The following S1PR3 variants were observed in gnomAD, a reference collection of about 807,000 sequenced individuals.
S1PR3 encodes sphingosine-1-phosphate receptor 3, also known as sphingosine 1-phosphate receptor 3.
S1PR3 carries 12 observed loss-of-function variants against 13.3 expected under a neutral mutation model. That is an observed-to-expected ratio of 0.90 (90% confidence interval 0.58 to 1.46). S1PR3 has a LOEUF of 1.46. S1PR3 is among the 40% of genes most tolerant of loss of function. The pLI is 0.00. For missense variants in S1PR3, 450 were observed against 501.9 expected, an observed-to-expected ratio of 0.90 and a Z score of 0.99; for synonymous variants, 232 against 214.0, an observed-to-expected ratio of 1.08 and a Z score of -0.73.
At position 89,001,860 on chromosome 9, in the gene S1PR3, C is replaced by A. The variant is rs1271652532; in HGVS notation, c.660C>A (p.Phe220Leu). 6.2e-7 allele frequency: 1 copy of A among 1,614,234 alleles called. No homozygotes were observed. Among genetic ancestry groups the A allele is most frequent in the South Asian group, 1.1e-5 (1 of 91,086 alleles). ...TGATCCTCTACGCACGCATCTACTT[C>A]CTGGTGAAGTCCAGCAGCCGTAAGG... is the stretch of plus-strand genomic sequence containing the variant. Reference protein sequence around the residue: ...TIVILYARIYFLVKSSSRKVA... With the variant: ...TIVILYARIYLLVKSSSRKVA... The change falls in exon 2 of 2, where the codon TTC becomes TTA. Residue 220 changes from phenylalanine to leucine, a missense_variant. Coordinates refer to ENST00000358157, the MANE Select transcript of S1PR3 (RefSeq NM_005226.4).
upstream of S1PR3, chr9:88,991,157 C>A (rs781100018): frequency 1.2e-6 from 2 of 1,609,296 alleles, no homozygotes; most frequent in East Asian, 2.2e-5. This position sits in a 1 kb window ranked among gnomAD's most constrained non-coding sequence, Gnocchi z 4.0. Context: ...CCGGTTTCTG[C>A]ACCTGGAGCT....
intron 1 of S1PR3, 47 bp from the exon 2 acceptor site, chr9:89,001,007 G>A (rs1825859319): frequency 4.7e-6 from 3 of 631,766 alleles, no homozygotes; most frequent in Non-Finnish European, 8.1e-6. Flanking sequence ...CCCCTTAGGC[G>A]GCGATCGTTT....
intron 1 of S1PR3, chr9:89,000,673 G>GA (rs1158828668): frequency 6.4e-6 from 1 of 157,118 alleles, no homozygotes; most frequent in Non-Finnish European, 1.4e-5. Flanking sequence ...TTGGTCCTGA[G>GA]AAAATCCTGC....
chr9:89,002,364 C>T lies in S1PR3; in HGVS notation c.*27C>T. The T allele has an allele frequency of 1.2e-6, 2 of 1,606,858 alleles. No individual in the cohort carries two copies. Among genetic ancestry groups the T allele is most frequent in the South Asian group, 2.2e-5 (2 of 90,184 alleles). ...CGTCTCCATGCGCCCTGCTCTGCGG[C>T]TGTGTTCTTATTTATTGCATGCGTC... On this transcript the variant is annotated 3_prime_UTR_variant, in exon 2 of 2. Transcript: ENST00000358157.
At chr9:88,992,145 C>T (rs1359160069) in intron 1 of S1PR3, 3 of 1,027,810 alleles carry the variant, frequency 2.9e-6, no homozygotes, top group Non-Finnish European at 2.8e-6. Flanking sequence ...CCGTCAGAAT[C>T]GGTGCTGGAA....
In S1PR3 at chr9:88,991,798, G is replaced by A; in HGVS notation, c.-148+103G>A. 2 of 1,603,596 alleles carry A rather than the reference G, an allele frequency of 1.2e-6. No homozygotes were observed. The highest frequency in any genetic ancestry group is 8.5e-7 in the Non-Finnish European group (1 of 1,174,598). ...CCCCACCGATCCCGGGCGCGACGGG[G>A]ACTTGGGCGCGCCACGGCGGCCGGA... On this transcript the variant is annotated intron_variant, in intron 1 of 1. Transcript: ENST00000358157. This position sits in a 1 kb window ranked among gnomAD's most constrained non-coding sequence, Gnocchi z 4.0.
In S1PR3 at chr9:89,003,983, TC is replaced by T. The variant is rs147663994; in HGVS notation, c.*1650del. 0.029 allele frequency: 4,763 copies of T among 167,096 alleles called. 134 individuals carry two copies. Among genetic ancestry groups the T allele is most frequent in the African/African-American group, 0.075 (3,128 of 41,512 alleles). 10.4% of individuals were successfully genotyped at this position (167,096 alleles called of 1,614,324 possible). A position where few individuals can be genotyped will look rare whatever the true frequency, so the allele number is the denominator to read the frequency against. On this transcript the variant is annotated 3_prime_UTR_variant, in exon 2 of 2. Coordinates refer to ENST00000358157, the MANE Select transcript of S1PR3 (RefSeq NM_005226.4). ...ATGAAACCTATTTGTAAGGAGATCT[TC>T]CCCAGGAGCATTTCTGTTGCCTTCT...
Position 89,001,855 on chromosome 9 carries a change from T to G in S1PR3, c.655T>G (p.Tyr219Asp). Residue 219 changes from tyrosine to aspartate, a missense_variant, in exon 2 of 2, where the codon TAC becomes GAC. Transcript: ENST00000358157. Reference protein sequence around the residue: ...VTIVILYARIYFLVKSSSRKV... With the variant: ...VTIVILYARIDFLVKSSSRKV... The stretch of plus-strand genomic sequence containing the variant: ...CATCGTGATCCTCTACGCACGCATC[T>G]ACTTCCTGGTGAAGTCCAGCAGCCG... The G allele has an allele frequency of 6.2e-7, 1 of 1,614,268 alleles. No homozygotes were observed. Among genetic ancestry groups the G allele is most frequent in the Non-Finnish European group, 8.5e-7 (1 of 1,180,050 alleles).
chr9:89,001,329 C>T lies in S1PR3; in HGVS notation c.129C>T (p.Thr43=). ...KEASEGSTLT[T]VLFLVICSFI... ...CCTCCGAGGGCAGCACGCTCACCAC[C>T]GTGCTCTTCTTGGTCATCTGCAGCT... Residue 43 remains threonine (T), a synonymous_variant, in exon 2 of 2, where the codon ACC becomes ACT. Transcript: ENST00000358157. 6.2e-7 allele frequency: 1 copy of T among 1,614,190 alleles called. No individual in the cohort carries two copies. Among genetic ancestry groups the T allele is most frequent in the Non-Finnish European group, 8.5e-7 (1 of 1,180,042 alleles).
chr9:88,992,066 C>T (rs974737463), intron 1 of S1PR3: 9 of 1,577,462 alleles, frequency 5.7e-6, no homozygotes, highest in Non-Finnish European at 7.8e-6. Flanking sequence ...CTGGGAAAAT[C>T]ATTCTTTTAA....
chr9:88,994,551 T>G (rs1825774182), intron 1 of S1PR3: 1 of 167,010 alleles, frequency 6.0e-6, no homozygotes, highest in African/African-American at 2.4e-5. Flanking sequence ...AAAAGACTCA[T>G]GGACAGGCAA....
At position 89,001,313 on chromosome 9, in the gene S1PR3, G is replaced by A; in HGVS notation, c.113G>A (p.Gly38Asp). The A allele has an allele frequency of 6.2e-7, 1 of 1,614,120 alleles. No individual in the cohort carries two copies. The highest frequency in any genetic ancestry group is 8.5e-7 in the Non-Finnish European group (1 of 1,180,024). ...LAGRLKEASE[G>D]STLTTVLFLV... ...GGCAGGCTGAAGGAGGCCTCCGAGG[G>A]CAGCACGCTCACCACCGTGCTCTTC... Residue 38 changes from glycine to aspartate, a missense_variant, in exon 2 of 2, where the codon GGC becomes GAC. Gly to Asp is a moderately conservative substitution (Grantham distance 94). Coordinates refer to ENST00000358157, the MANE Select transcript of S1PR3 (RefSeq NM_005226.4).
Position 89,001,450 on chromosome 9 carries a change from T to G in S1PR3, c.250T>G (p.Cys84Gly). 6.2e-7 allele frequency: 1 copy of G among 1,614,226 alleles called. No individual in the cohort carries two copies. The highest frequency in any genetic ancestry group is 8.5e-7 in the Non-Finnish European group (1 of 1,180,042). The change falls in exon 2 of 2, where the codon TGC (cysteine) becomes GGC (glycine). Residue 84 changes from cysteine to glycine, a missense_variant. Physicochemically the swap from Cys to Gly is radical, Grantham distance 159 (BLOSUM62 -3). Transcript: ENST00000358157. ...CTTTTTCATTGGCAACCTGGCTCTC[T>G]GCGACCTGCTGGCCGGCATCGCTTA... is the stretch of plus-strand genomic sequence containing the variant. ...MYFFIGNLAL[C>G]DLLAGIAYKV...
upstream of S1PR3, chr9:88,990,893 G>A: frequency 6.9e-7 from 1 of 1,447,116 alleles, no homozygotes; most frequent in Non-Finnish European, 9.4e-7. Flanking sequence ...GCAGGCGCCG[G>A]AGGGGACCCG....
rs1367030398 is a variant in S1PR3 at position 89,002,559 on chromosome 9, A to G, written c.*222A>G. 11 of 606,588 alleles carry G rather than the reference A, an allele frequency of 1.8e-5. No individual in the cohort carries two copies. The highest frequency in any genetic ancestry group is 3.3e-5 in the Non-Finnish European group (11 of 335,874). The allele number at this position is 606,588 out of a possible 1,614,324, so 37.6% of individuals were successfully genotyped here. A position where few individuals can be genotyped will look rare whatever the true frequency, so the allele number is the denominator to read the frequency against. On this transcript the variant is annotated 3_prime_UTR_variant, in exon 2 of 2. Transcript: ENST00000358157. Reference sequence around the variant, plus strand: ...TTGGGCTCCAGAGTCTTTCAGATGTACTAAGCTGCTGACATCATCCACTGC... The same window carrying G: ...TTGGGCTCCAGAGTCTTTCAGATGTGCTAAGCTGCTGACATCATCCACTGC...
In S1PR3 at chr9:88,991,559, C is replaced by A; in HGVS notation, c.-284C>A. 6.5e-7 allele frequency: 1 copy of A among 1,545,628 alleles called. No homozygotes were observed. ...ACGCGACCGAGCAGGACCCCAGGCC[C>A]GGGAACGACGTCGCGAGCGCTGAGA... On this transcript the variant is annotated 5_prime_UTR_variant, in exon 1 of 2. Transcript: ENST00000358157. The surrounding 1 kb of genome is among the most constrained non-coding windows in gnomAD (Gnocchi z 4.0).
intron 1 of S1PR3, chr9:88,993,612 T>C (rs1294038074): frequency 6.6e-6 from 1 of 152,244 alleles, no homozygotes; most frequent in East Asian, 1.9e-4. Flanking sequence ...GCCAAATTAA[T>C]TGCCTTAAGA....
chr9:89,000,927 C>T (rs1304555870), intron 1 of S1PR3, 127 bp from the exon 2 acceptor site: 2 of 493,386 alleles, frequency 4.1e-6, no homozygotes, highest in African/African-American at 3.9e-5. Flanking sequence ...ACCCTCTCTG[C>T]AGCCTGACGT....
intron 1 of S1PR3, chr9:88,997,304 T>C (rs996771247): frequency 7.9e-5 from 12 of 152,192 alleles, no homozygotes; most frequent in African/African-American, 2.9e-4. Context: ...TATTGCTGGT[T>C]ATTAGTTTTT....
Sources: gnomAD v4.1 joint callset for allele counts on GRCh38, gnomAD v4.1.1 for gene constraint, Gnocchi (gnomAD v3.1) non-coding constraint, MANE v1.5 for transcripts, NCBI Gene and HGNC (gene_info 2026-07-23, HGNC 2026-07-21) for gene names.